Variants in AGBL4 observed in about 807,000 individuals in gnomAD.
AGBL4 encodes AGBL carboxypeptidase 4.
In AGBL4, 58 loss-of-function variants were observed where a neutral mutation model predicts 66.4. That is an observed-to-expected ratio of 0.87 (90% CI 0.71 to 1.09). The LOEUF (loss-of-function observed/expected upper bound fraction) is 1.09. AGBL4 is among the 50% of genes least tolerant of loss of function. The pLI is 0.00. For synonymous variants in AGBL4, 234 were observed against 222.9 expected (o/e 1.05, Z -0.44); for missense variants, 579 against 631.0 (o/e 0.92, Z 0.88).
intron 2 of AGBL4, among the ~76,000 whole-genome samples, chr1:49,807,000 G>A (rs1298337263): frequency 1.3e-5 from 2 of 152,192 alleles, no homozygotes; most frequent in Non-Finnish European, 2.9e-5. Context: ...TACACAAGCT[G>A]TGGAAATGTG....
intron 3 of AGBL4, among the ~76,000 whole-genome samples, chr1:49,637,934 A>T (rs1645710157): frequency 6.6e-6 from 1 of 152,168 alleles, no homozygotes; most frequent in Admixed American, 6.5e-5. Flanking sequence ...TAAGCACATG[A>T]AAAAAATATA....
intron 3 of AGBL4, among the ~76,000 whole-genome samples, chr1:49,356,019 T>A (rs1212403225): frequency 6.6e-6 from 1 of 152,050 alleles, no homozygotes; most frequent in South Asian, 2.1e-4. Flanking sequence ...AGAAATAGGG[T>A]CCTGGTCTCC....
At chr1:49,261,753 C>A (rs1207293973) in intron 3 of AGBL4, among the ~76,000 whole-genome samples, 26 of 148,038 alleles carry the variant, frequency 1.8e-4, no homozygotes, top group African/African-American at 6.4e-4. Context: ...TTTATAGATT[C>A]AATGCCATCC....
chr1:49,535,916 C>G (rs1316517991), intron 3 of AGBL4, among the ~76,000 whole-genome samples: 1 of 152,172 alleles, frequency 6.6e-6, no homozygotes, highest in Non-Finnish European at 1.5e-5. Context: ...TGGTCTAGAT[C>G]TCTTGACCTC....
At chr1:48,596,080 C>T (rs1375793791) in intron 9 of AGBL4, among the ~76,000 whole-genome samples, 4 of 152,286 alleles carry the variant, frequency 2.6e-5, no homozygotes, top group Middle Eastern at 6.8e-3. Context: ...AAGTAACTTG[C>T]CCAGCATTAC....
rs183499079 is a variant in AGBL4 at position 49,596,386 on chromosome 1, G to T, written c.282+100927C>A. Among the ~76,000 whole-genome samples the T allele has an allele frequency of 7.2e-5, 11 of 152,232 alleles. No homozygotes were observed. In the East Asian group the frequency reaches 2.1e-3, roughly 29 times the overall value. ...GGGTTTCACCATGTTGCCCAGGCTGGTCTCAAACTCCTGGCCTCAAGTGAT... is the reference window on the plus strand; with the variant it reads ...GGGTTTCACCATGTTGCCCAGGCTGTTCTCAAACTCCTGGCCTCAAGTGAT... On this transcript the variant is annotated intron_variant, in intron 3 of 13. Transcript: ENST00000371839.
At chr1:49,893,060 G>A (rs1648811217) in intron 1 of AGBL4, among the ~76,000 whole-genome samples, 1 of 152,120 alleles carries the variant, frequency 6.6e-6, no homozygotes, top group African/African-American at 2.4e-5. Flanking sequence ...TTGTCAAGAA[G>A]CTCCCTAAGA....
intron 1 of AGBL4, among the ~76,000 whole-genome samples, chr1:49,964,646 C>G (rs1433857345): frequency 6.6e-6 from 1 of 151,932 alleles, no homozygotes; most frequent in Non-Finnish European, 1.5e-5. Context: ...CACTTTAAGA[C>G]TACTTAAACA....
At chr1:48,657,924 A>G (rs1646046511) in intron 7 of AGBL4, among the ~76,000 whole-genome samples, 1 of 152,206 alleles carries the variant, frequency 6.6e-6, no homozygotes, top group Admixed American at 6.5e-5. Flanking sequence ...CCTCCAGGCC[A>G]TGAGCTCCAA....
intron 6 of AGBL4, among the ~76,000 whole-genome samples, chr1:48,722,609 A>G (rs564001973): frequency 6.6e-6 from 1 of 152,326 alleles, no homozygotes; most frequent in South Asian, 2.1e-4. Context: ...CCATTATAAC[A>G]CGGTAAACTG....
At chr1:48,750,267 G>A (rs975602854) in intron 6 of AGBL4, among the ~76,000 whole-genome samples, 2 of 152,124 alleles carry the variant, frequency 1.3e-5, no homozygotes, top group African/African-American at 4.8e-5. Context: ...CCTGTAGGAG[G>A]GGCTGGGGTA....
chr1:49,898,287 A>C (rs1219634703), intron 1 of AGBL4, among the ~76,000 whole-genome samples: 1 of 152,074 alleles, frequency 6.6e-6, no homozygotes, highest in Non-Finnish European at 1.5e-5. Flanking sequence ...CTAGTAATTC[A>C]ATTTAAAAAT....
chr1:49,701,812 A>C (rs1386462696), intron 2 of AGBL4, among the ~76,000 whole-genome samples: 1 of 152,128 alleles, frequency 6.6e-6, no homozygotes, highest in Admixed American at 6.5e-5. Context: ...ACTATAACCA[A>C]CTGTACGTCA....
At chr1:48,977,883 T>A (rs897150621) in intron 5 of AGBL4, among the ~76,000 whole-genome samples, 1 of 152,112 alleles carries the variant, frequency 6.6e-6, no homozygotes, top group Non-Finnish European at 1.5e-5. Context: ...AGTAACCCAA[T>A]AAAGGTTCAC....
At chr1:48,745,792 C>A (rs1279055582) in intron 6 of AGBL4, among the ~76,000 whole-genome samples, 1 of 152,256 alleles carries the variant, frequency 6.6e-6, no homozygotes, top group African/African-American at 2.4e-5. Flanking sequence ...ACTGGGTTTG[C>A]CACTTACTGT....
intron 6 of AGBL4, among the ~76,000 whole-genome samples, chr1:48,692,850 T>C (rs1441265537): frequency 1.3e-5 from 2 of 152,208 alleles, no homozygotes; most frequent in Non-Finnish European, 1.5e-5. Flanking sequence ...TAATGCTCTC[T>C]GTAAGAAGCC....
At position 49,562,984 on chromosome 1, in the gene AGBL4, T is replaced by C. The variant is rs567595727; in HGVS notation, c.282+134329A>G. Among the ~76,000 whole-genome samples the C allele has an allele frequency of 3.4e-4, 52 of 152,244 alleles. 2 individuals are homozygous for C. In the South Asian group the frequency reaches 9.8e-3, roughly 29 times the overall value. On this transcript the variant is annotated intron_variant, in intron 3 of 13. Transcript: ENST00000371839. ...TTTGTTTGTATCCTCTTTTATTTCA[T>C]TGAGCAGTGGTTCGTAGTTATCCTT...
intron 3 of AGBL4, among the ~76,000 whole-genome samples, chr1:49,484,422 A>G (rs1647020870): frequency 6.6e-6 from 1 of 152,164 alleles, no homozygotes. Flanking sequence ...CAGCCGTAAA[A>G]AAAGAATGAG....
chr1:49,135,019 T>C (rs558147738), intron 4 of AGBL4, among the ~76,000 whole-genome samples: 3 of 151,660 alleles, frequency 2.0e-5, no homozygotes, highest in Admixed American at 6.6e-5. Flanking sequence ...ACATATATTG[T>C]ATGCATTCTT....
Sources: gnomAD v4.1 joint callset for allele counts (sites outside exome capture counted in the v4.1 genomes callset) on GRCh38, gnomAD v4.1.1 for gene constraint, MANE v1.5 for transcripts, NCBI Gene and HGNC (gene_info 2026-07-23, HGNC 2026-07-21) for gene names.